The following MAP7 variants were observed in gnomAD, a reference collection of about 807,000 sequenced individuals.
MAP7 encodes ensconsin.
A neutral mutation model predicts 94.8 loss-of-function variants in MAP7; 52 were observed. That is an observed-to-expected ratio of 0.55 (90% CI 0.44 to 0.69). The LOEUF is 0.69. Among genes scored for constraint, MAP7 ranks in the 30% least tolerant of loss-of-function variants. The pLI, the probability that MAP7 is intolerant of heterozygous loss-of-function variation, is 0.00. For synonymous variants in MAP7, 350 were observed against 357.0 expected (o/e 0.98, Z 0.22); for missense variants, 940 against 964.6 (o/e 0.97, Z 0.34).
At chr6:136,456,917 A>T (rs1803441684) in intron 1 of MAP7, among the ~76,000 whole-genome samples, 1 of 151,946 alleles carries the variant, frequency 6.6e-6, no homozygotes, top group Admixed American at 6.6e-5. Flanking sequence ...AAAGAGCAAG[A>T]AAAAGAAGAA....
intron 1 of MAP7, among the ~76,000 whole-genome samples, chr6:136,499,977 C>CAG (rs764720001): frequency 7.9e-5 from 12 of 152,190 alleles, no homozygotes; most frequent in East Asian, 5.8e-4. Flanking sequence ...GCCTGGGTGA[C>CAG]AGAGAGAGAC....
intron 1 of MAP7, among the ~76,000 whole-genome samples, chr6:136,486,592 T>C (rs1296892496): frequency 6.6e-6 from 1 of 152,216 alleles, no homozygotes; most frequent in Non-Finnish European, 1.5e-5. Context: ...CACAGCAGAC[T>C]GACCTAGTTA....
chr6:136,454,272 G>GATCTATCT (rs57308742), intron 1 of MAP7, among the ~76,000 whole-genome samples: 36,495 of 141,240 alleles, frequency 0.26, 4,921 homozygotes, highest in South Asian at 0.32. Context: ...CTACCTAAAT[G>GATCTATCT]ATCTATCTAT....
intron 3 of MAP7, among the ~76,000 whole-genome samples, chr6:136,400,514 C>CA (rs1283759105): frequency 4.0e-5 from 6 of 149,444 alleles, no homozygotes; most frequent in Non-Finnish European, 7.4e-5. Flanking sequence ...GGGTTAAAAA[C>CA]AAAAACACCT....
intron 1 of MAP7, among the ~76,000 whole-genome samples, chr6:136,472,363 T>A (rs1809322132): frequency 6.6e-6 from 1 of 152,210 alleles, no homozygotes; most frequent in Admixed American, 6.5e-5. Context: ...AAAAGGGACA[T>A]TTGTTAATTT....
At chr6:136,345,774 T>A in intron 17 of MAP7, 82 bp downstream of exon 17, 1 of 1,084,742 alleles carries the variant, frequency 9.2e-7, no homozygotes, top group Non-Finnish European at 1.4e-6. Context: ...ACCACAATCA[T>A]ACTGTAGAAG....
intron 2 of MAP7, among the ~76,000 whole-genome samples, chr6:136,418,852 C>T (rs1481503830): frequency 3.3e-5 from 5 of 152,080 alleles, no homozygotes; most frequent in African/African-American, 1.2e-4. Context: ...CAAGGCCAGC[C>T]CTCCAACACA....
chr6:136,356,819 C>A, intron 15 of MAP7, 25 bp from the exon 16 acceptor site: 1 of 1,563,226 alleles, frequency 6.4e-7, no homozygotes, highest in Non-Finnish European at 8.8e-7. Flanking sequence ...GGAGACAGAA[C>A]ACAGGGTTAC....
At chr6:136,356,326 C>T (rs1050390574) in intron 16 of MAP7, among the ~76,000 whole-genome samples, 1 of 150,864 alleles carries the variant, frequency 6.6e-6, no homozygotes, top group African/African-American at 2.5e-5. Context: ...ATCACGTCTG[C>T]TAGTTTTGCT....
intron 6 of MAP7, among the ~76,000 whole-genome samples, chr6:136,378,287 A>G (rs1218079994): frequency 6.6e-6 from 1 of 152,240 alleles, no homozygotes; most frequent in African/African-American, 2.4e-5. Flanking sequence ...ACCTTGAATA[A>G]TAAACCCCAA....
rs575772732 is a variant in MAP7, at chr6:136,387,402, C to T, written c.526+991G>A. ...TTGTTTAAAGGGAAAGCAAACATTC[C>T]ACATGTAATTACTTTATTTCAACAC... On this transcript the variant is annotated intron_variant, in intron 5 of 17. Coordinates refer to ENST00000354570, the MANE Select transcript of MAP7 (RefSeq NM_003980.6). 4.6e-5 allele frequency among the ~76,000 whole-genome samples: 7 copies of T among 152,126 alleles called. No individual in the cohort carries two copies. The South Asian group carries it at 1.2e-3, about 27-fold the overall frequency.
chr6:136,409,571 G>A (rs1242248847), intron 3 of MAP7, among the ~76,000 whole-genome samples: 1 of 152,182 alleles, frequency 6.6e-6, no homozygotes, highest in Non-Finnish European at 1.5e-5. Flanking sequence ...ACCTGTTCTT[G>A]CACATTGCTG....
intron 1 of MAP7, among the ~76,000 whole-genome samples, chr6:136,448,435 C>T (rs1273399945): frequency 6.8e-6 from 1 of 147,578 alleles, no homozygotes. Context: ...TTTTTTAAGA[C>T]GGAGTTTTTG....
At chr6:136,375,056 T>C (rs1182363047) in intron 7 of MAP7, among the ~76,000 whole-genome samples, 1 of 152,148 alleles carries the variant, frequency 6.6e-6, no homozygotes, top group Non-Finnish European at 1.5e-5. Context: ...TGGTGGTAAG[T>C]ATGCATTAAT....
At chr6:136,402,943 A>G (rs13200439) in intron 3 of MAP7, among the ~76,000 whole-genome samples, 1 of 137,592 alleles carries the variant, frequency 7.3e-6, no homozygotes, top group East Asian at 2.1e-4. Flanking sequence ...AAAAAAAAAG[A>G]AAGAAAAAGA....
intron 3 of MAP7, among the ~76,000 whole-genome samples, chr6:136,393,243 C>T (rs1303732530): frequency 2.0e-5 from 3 of 152,170 alleles, no homozygotes; most frequent in Non-Finnish European, 2.9e-5. Flanking sequence ...TCAAACCATG[C>T]TTCTCCCAGA....
chr6:136,452,549 T>A (rs1219424732), intron 1 of MAP7, among the ~76,000 whole-genome samples: 1 of 151,790 alleles, frequency 6.6e-6, no homozygotes, highest in Non-Finnish European at 1.5e-5. Context: ...TAGCAATAAT[T>A]TTTTTTTTAA....
At chr6:136,529,032 A>T (rs1316361297) in intron 1 of MAP7, among the ~76,000 whole-genome samples, 4 of 152,152 alleles carry the variant, frequency 2.6e-5, no homozygotes. Flanking sequence ...TCCCTTTTAC[A>T]TTTTGATCCA....
chr6:136,511,449 C>G (rs888279241), intron 1 of MAP7, among the ~76,000 whole-genome samples: 3 of 151,890 alleles, frequency 2.0e-5, no homozygotes, highest in African/African-American at 7.3e-5. Flanking sequence ...AAGGTGTGCA[C>G]CAGGAACTGT....
Sources: gnomAD v4.1 joint callset for allele counts (sites outside exome capture counted in the v4.1 genomes callset) on GRCh38, gnomAD v4.1.1 for gene constraint, MANE v1.5 for transcripts, NCBI Gene and HGNC (gene_info 2026-07-23, HGNC 2026-07-21) for gene names.